EP400: variants seen among roughly 807,000 people sequenced by gnomAD.
EP400 encodes E1A binding protein p400.
EP400 carries 105 observed loss-of-function variants against 354.1 expected under a neutral mutation model. The ratio of observed to expected loss-of-function variants is 0.30; its 90% CI spans 0.25 to 0.35. The LOEUF (loss-of-function observed/expected upper bound fraction) is 0.35, where lower values mean the gene tolerates loss of function less well. EP400 is among the 10% of genes least tolerant of loss of function. The pLI is 1.00. For synonymous variants in EP400, 1,646 were observed against 1,716.9 expected (o/e 0.96, Z 1.02); for missense variants, 3,280 against 4,121.0 (o/e 0.80, Z 5.59).
In EP400 at chr12:132,018,335, C is replaced by CCCAGCAGCCCGA; in HGVS notation, c.4245_4256dup (p.Arg1416_Ala1419dup). Reference sequence around the variant, plus strand: ...TGGAGGAAATCTCCACTTCAGCAGCCCCAGCAGCCCGACCAGCAGCAGCAA... The same window carrying CCCAGCAGCCCGA: ...TGGAGGAAATCTCCACTTCAGCAGCCCCAGCAGCCCGACCAGCAGCCCGACCAGCAGCAGCAA... On this transcript the variant is annotated inframe_insertion, in exon 21 of 53. Coordinates refer to ENST00000389561, the MANE Select transcript of EP400 (RefSeq NM_015409.5). This position sits in a 1 kb window ranked among gnomAD's most constrained non-coding sequence, Gnocchi z 4.0. 1 of 1,611,628 alleles carries CCCAGCAGCCCGA rather than the reference C, an allele frequency of 6.2e-7. No individual in the cohort carries two copies. The highest frequency in any genetic ancestry group is 8.5e-7 in the Non-Finnish European group (1 of 1,179,332).
intron 32 of EP400, among the ~76,000 whole-genome samples, chr12:132,041,009 C>T (rs181600709): frequency 1.6e-4 from 24 of 152,236 alleles, no homozygotes; most frequent in Admixed American, 1.3e-3. Flanking sequence ...GGGCAGCAGG[C>T]GGGTCTTTGG....
chr12:132,052,824 A>G lies in EP400; in HGVS notation c.7395-322A>G, dbSNP rs556463511. Reference sequence around the variant, plus strand: ...GCATCCTCACAGAAGGAACAGACAGAGATTTTCCCAAGTACAGTGCAGACA... The same window carrying G: ...GCATCCTCACAGAAGGAACAGACAGGGATTTTCCCAAGTACAGTGCAGACA... On this transcript the variant is annotated intron_variant, in intron 41 of 52. Coordinates refer to ENST00000389561, the MANE Select transcript of EP400 (RefSeq NM_015409.5). This position sits in a 1 kb window ranked among gnomAD's most constrained non-coding sequence, Gnocchi z 4.4. Among the ~76,000 whole-genome samples, 8 of 152,160 alleles carry G rather than the reference A, an allele frequency of 5.3e-5. No individual in the cohort carries two copies. The East Asian group carries it at 1.6e-3, about 30-fold the overall frequency.
Position 132,055,675 on chromosome 12 carries a change from G to C in EP400, c.7884+467G>C, listed in dbSNP as rs543902587. ...TGAGGTGTAGGGGTATGTGTGTGAG[G>C]TGTAGGGGGGCGTGTGTGAAGTGTA... On this transcript the variant is annotated intron_variant, in intron 45 of 52. Coordinates refer to ENST00000389561, the MANE Select transcript of EP400 (RefSeq NM_015409.5). Among the ~76,000 whole-genome samples, 124 of 142,018 alleles carry C rather than the reference G, an allele frequency of 8.7e-4. 1 individual carries two copies. Among genetic ancestry groups the C allele is most frequent in the African/African-American group, 3.2e-3 (121 of 37,698 alleles). The allele number at this position is 142,018 out of a possible 152,430, so 93.2% of individuals were successfully genotyped here. A position where few individuals can be genotyped will look rare whatever the true frequency, so the allele number is the denominator to read the frequency against.
In EP400 at chr12:131,960,997, C is replaced by T; in HGVS notation, c.378C>T (p.Pro126=). 1.2e-6 allele frequency: 2 copies of T among 1,605,186 alleles called. No individual in the cohort carries two copies. Among genetic ancestry groups the T allele is most frequent in the South Asian group, 2.2e-5 (2 of 90,304 alleles). ...CATCATACATTCAGGTCACGTCCCC[C>T]TTGTCCCAGCAGGTCCAGACCCAGA... The part of the protein sequence containing the change: ...GSPSYIQVTS[P]LSQQVQTQSP... Residue 126 remains proline (P), a synonymous_variant, in exon 2 of 53, where the codon CCC becomes CCT. Coordinates refer to ENST00000389561, the MANE Select transcript of EP400 (RefSeq NM_015409.5).
intron 2 of EP400, among the ~76,000 whole-genome samples, chr12:131,974,140 A>G (rs1892388960): frequency 6.6e-6 from 1 of 151,658 alleles, no homozygotes; most frequent in Admixed American, 6.6e-5. Flanking sequence ...CACCATGCCC[A>G]GCTAATTTTT....
chr12:132,008,052 G>T (rs562123158), intron 15 of EP400, among the ~76,000 whole-genome samples: 3 of 152,116 alleles, frequency 2.0e-5, no homozygotes, highest in Non-Finnish European at 4.4e-5. Flanking sequence ...GGGTTCAAGC[G>T]ATTCTCCAGC....
chr12:132,004,413 A>G (rs1287600241), intron 12 of EP400, among the ~76,000 whole-genome samples: 3 of 152,006 alleles, frequency 2.0e-5, no homozygotes, highest in Non-Finnish European at 2.9e-5. Context: ...TTTTTAAGCA[A>G]TTAGGGTGAG....
chr12:132,012,047 C>T (rs1225023002), intron 16 of EP400, among the ~76,000 whole-genome samples: 4 of 152,176 alleles, frequency 2.6e-5, no homozygotes, highest in Non-Finnish European at 4.4e-5. Context: ...TAATAGATAA[C>T]GTTTCTGGAA....
intron 45 of EP400, among the ~76,000 whole-genome samples, chr12:132,060,914 CAAAAA>C (rs11305330): frequency 9.1e-6 from 1 of 110,434 alleles, no homozygotes; most frequent in Non-Finnish European, 1.9e-5. Context: ...GACTCCGTCT[CAAAAA>C]AAAAAAAAAA....
In EP400 at chr12:132,025,651, G is replaced by A. The variant is rs767100101; in HGVS notation, c.4861G>A (p.Val1621Ile). The change falls in exon 25 of 53, where the codon GTC becomes ATC. Residue 1621 changes from valine to isoleucine, a missense_variant. Val to Ile is a conservative substitution (Grantham distance 29). Coordinates refer to ENST00000389561, the MANE Select transcript of EP400 (RefSeq NM_015409.5). This position sits in a 1 kb window ranked among gnomAD's most constrained non-coding sequence, Gnocchi z 4.1. ...AGQPLQLQGS[V>I]LQIVSAPGQP... ...TAGTGGACCTATGATTGCAGGCAGC[G>A]TCCTCCAGATCGTGTCCGCCCCCGG... 23 of 1,601,158 alleles carry A rather than the reference G, an allele frequency of 1.4e-5. No individual in the cohort carries two copies. Among genetic ancestry groups the A allele is most frequent in the Admixed American group, 1.4e-4 (8 of 57,132 alleles).
At chr12:132,060,155 G>T (rs998488363) in intron 45 of EP400, among the ~76,000 whole-genome samples, 6 of 152,098 alleles carry the variant, frequency 3.9e-5, no homozygotes, top group Non-Finnish European at 8.8e-5. Flanking sequence ...AAAACTGGGG[G>T]AAACAACCCA....
Position 132,013,189 on chromosome 12 carries a change from T to TA in EP400, c.3611+12dup. On this transcript the variant is annotated intron_variant, in intron 17 of 52. Transcript: ENST00000389561. This position sits in a 1 kb window ranked among gnomAD's most constrained non-coding sequence, Gnocchi z 4.5. The stretch of plus-strand genomic sequence containing the variant: ...TTTCACCCTGCAGAGGTCTGTGTGT[T>TA]ACGCGCTTGTCATTGAGTGTTCTTT... 1 of 1,599,402 alleles carries TA rather than the reference T, an allele frequency of 6.3e-7. No individual in the cohort carries two copies. The highest frequency in any genetic ancestry group is 1.3e-5 in the African/African-American group (1 of 74,648).
chr12:131,969,794 A>G (rs1311702315), intron 2 of EP400, among the ~76,000 whole-genome samples: 1 of 152,220 alleles, frequency 6.6e-6, no homozygotes, highest in African/African-American at 2.4e-5. Flanking sequence ...TCACGCCTGT[A>G]ATCCCAGCAC....
Position 132,025,669 on chromosome 12 carries a change from GC to G in EP400, c.4884del (p.Gln1630SerfsTer11). ...LQGSVLQIVS[A>X]PGQPYLRAPG... is the part of the protein sequence containing the mutation. ...AGGCAGCGTCCTCCAGATCGTGTCC[GC>G]CCCCGGGCAGCCCTACCTTCGAGCC... On this transcript the variant is annotated frameshift_variant, in exon 25 of 53. Transcript: ENST00000389561. LOFTEE classifies it high-confidence loss of function. The surrounding 1 kb of genome is among the most constrained non-coding windows in gnomAD (Gnocchi z 4.1). 1.2e-6 allele frequency: 2 copies of G among 1,608,324 alleles called. No individual in the cohort carries two copies. Among genetic ancestry groups the G allele is most frequent in the Admixed American group, 1.7e-5 (1 of 58,608 alleles).
Position 132,021,085 on chromosome 12 carries a change from C to T in EP400, c.4454C>T (p.Ala1485Val). ...FSANPEAKAA[A>V]APFQTSQASA... ...CAAACCTTATCGATTGCAGCAGCAG[C>T]AGCCCCGTTTCAGACCTCTCAGGCT... The change falls in exon 23 of 53, where the codon GCA (alanine) becomes GTA (valine). Residue 1485 changes from alanine to valine, a missense_variant. This residue lies in a region of EP400 where 342 missense variants were observed against 342.7 expected (regional missense o/e 1.00). Transcript: ENST00000389561. The T allele has an allele frequency of 6.3e-7, 1 of 1,596,118 alleles. No homozygotes were observed.
At chr12:131,966,903 C>CAAAAAAA (rs1179689543) in intron 2 of EP400, among the ~76,000 whole-genome samples, 4 of 57,836 alleles carry the variant, frequency 6.9e-5, no homozygotes, top group East Asian at 5.6e-4. Context: ...AGACTTGTCT[C>CAAAAAAA]AAAAAAAAAA....
intron 37 of EP400, 55 bp downstream of exon 37, chr12:132,045,008 C>T: frequency 6.3e-7 from 1 of 1,598,322 alleles, no homozygotes; most frequent in Non-Finnish European, 8.5e-7. Flanking sequence ...TGCAGAATCC[C>T]TGCATGTCAG....
At chr12:132,073,245 T>A (rs557292328) in intron 51 of EP400, among the ~76,000 whole-genome samples, 3,103 of 109,874 alleles carry the variant, frequency 0.028, 56 homozygotes, top group African/African-American at 0.063. Context: ...TTTTTTTTTT[T>A]ATCAATTCTC....
At chr12:132,008,584 A>ATT (rs376833227) in intron 15 of EP400, among the ~76,000 whole-genome samples, 6 of 143,092 alleles carry the variant, frequency 4.2e-5, no homozygotes, top group South Asian at 2.2e-4. Flanking sequence ...TAGCCTATAC[A>ATT]TTTTTTTTTT....
Sources: allele counts gnomAD v4.1 joint callset (sites outside exome capture counted in the v4.1 genomes callset), GRCh38; gene constraint gnomAD v4.1.1; regional missense constraint gnomAD v4.1.1; non-coding constraint Gnocchi (gnomAD v3.1); transcripts MANE v1.5; gene names NCBI Gene and HGNC (gene_info 2026-07-23, HGNC 2026-07-21).